Variants in EPHA3 observed in about 807,000 individuals in gnomAD.
EPHA3 encodes ephrin type-A receptor 3.
A neutral mutation model predicts 107.1 loss-of-function variants in EPHA3; 42 were observed. The ratio of observed to expected loss-of-function variants is 0.39; its 90% CI spans 0.31 to 0.51. The LOEUF (loss-of-function observed/expected upper bound fraction) is 0.51. Ranked by LOEUF, EPHA3 falls within the 20% of genes least tolerant of loss-of-function variation. The pLI is 0.78. For missense variants in EPHA3, 1,183 were observed against 1,211.2 expected, an observed-to-expected ratio of 0.98 and a Z score of 0.35; for synonymous variants, 461 against 424.8, an observed-to-expected ratio of 1.09 and a Z score of -1.05.
rs1706501166 is a variant in EPHA3 at position 89,301,932 on chromosome 3, C to T, written c.815-38984C>T. Among the ~76,000 whole-genome samples, 4 of 151,904 alleles carry T rather than the reference C, an allele frequency of 2.6e-5. No individual in the cohort carries two copies. The South Asian group carries it at 6.2e-4, about 24-fold the overall frequency. On this transcript the variant is annotated intron_variant, in intron 3 of 16. Transcript: ENST00000336596. ...GATATGGCTATTTTTTGAATACTAA[C>T]CTTTTAAACTTTGAGTGTACTCAAG...
chr3:89,459,525 C>CCTTT (rs1710176055), intron 15 of EPHA3, among the ~76,000 whole-genome samples: 1 of 148,782 alleles, frequency 6.7e-6, no homozygotes, highest in African/African-American at 2.5e-5. Context: ...TTCCTTCCTT[C>CCTTT]GTTCCTTCCT....
At chr3:89,146,853 A>C (rs529322744) in intron 2 of EPHA3, among the ~76,000 whole-genome samples, 19 of 151,844 alleles carry the variant, frequency 1.3e-4, no homozygotes, top group Non-Finnish European at 2.5e-4. Flanking sequence ...TTTCTGTTTT[A>C]TGCATATGGC....
intron 3 of EPHA3, among the ~76,000 whole-genome samples, chr3:89,332,849 T>C (rs1478542812): frequency 6.6e-6 from 1 of 152,114 alleles, no homozygotes; most frequent in Admixed American, 6.6e-5. Flanking sequence ...ACAGCTTTAT[T>C]TTTTTAATTT....
At chr3:89,395,168 A>C (rs1462852616) in intron 5 of EPHA3, among the ~76,000 whole-genome samples, 1 of 152,198 alleles carries the variant, frequency 6.6e-6, no homozygotes, top group Non-Finnish European at 1.5e-5. Context: ...TGTCTAGGTA[A>C]TTGTAACACA....
In EPHA3 at chr3:89,473,313, T is replaced by C. The variant is rs548653189; in HGVS notation, c.2846+694T>C. Among the ~76,000 whole-genome samples, 49 of 152,316 alleles carry C rather than the reference T, an allele frequency of 3.2e-4. 1 individual carries two copies. In the South Asian group the frequency reaches 9.3e-3, roughly 29 times the overall value. On this transcript the variant is annotated intron_variant, in intron 16 of 16. Coordinates refer to ENST00000336596, the MANE Select transcript of EPHA3 (RefSeq NM_005233.6). ...TAATAATCAAGTATAATATGCTGTA[T>C]TTTGTGGACAATCATCTTTGGGTAA... is the stretch of plus-strand genomic sequence containing the variant.
At chr3:89,107,957 G>A in intron 1 of EPHA3, 121 bp downstream of exon 1, 1 of 855,382 alleles carries the variant, frequency 1.2e-6, no homozygotes, top group Non-Finnish European at 1.8e-6. Context: ...TTTGCTCTGA[G>A]AGTGAAGGAA....
At chr3:89,370,672 T>A (rs1708282409) in intron 5 of EPHA3, among the ~76,000 whole-genome samples, 1 of 150,448 alleles carries the variant, frequency 6.6e-6, no homozygotes, top group South Asian at 2.1e-4. Context: ...ATTAAAAAAA[T>A]AACAAAATAC....
chr3:89,176,279 C>A (rs542759819), intron 2 of EPHA3, among the ~76,000 whole-genome samples: 3 of 151,976 alleles, frequency 2.0e-5, no homozygotes, highest in Non-Finnish European at 4.4e-5. Flanking sequence ...GTCAGGAGAT[C>A]GAGACCAGCC....
At chr3:89,242,153 C>G (rs1324153181) in intron 3 of EPHA3, among the ~76,000 whole-genome samples, 2 of 152,114 alleles carry the variant, frequency 1.3e-5, no homozygotes, top group Non-Finnish European at 2.9e-5. Flanking sequence ...CGATCTTTGT[C>G]TAATTGCTAC....
At chr3:89,414,868 T>C (rs1329652452) in intron 10 of EPHA3, among the ~76,000 whole-genome samples, 1 of 151,654 alleles carries the variant, frequency 6.6e-6, no homozygotes, top group African/African-American at 2.4e-5. Context: ...ACTTAATCCC[T>C]GATGCTCATT....
intron 3 of EPHA3, among the ~76,000 whole-genome samples, chr3:89,228,559 G>A (rs1704553971): frequency 6.6e-6 from 1 of 151,776 alleles, no homozygotes; most frequent in South Asian, 2.1e-4. Flanking sequence ...GTATAAATTT[G>A]GAAAGATAAA....
chr3:89,453,694 T>G (rs1329359571), intron 15 of EPHA3, among the ~76,000 whole-genome samples: 6 of 152,198 alleles, frequency 3.9e-5, no homozygotes, highest in African/African-American at 1.4e-4. Flanking sequence ...TTTAGAAAAT[T>G]TGCTTTCCTA....
intron 14 of EPHA3, 44 bp downstream of exon 14, chr3:89,449,418 T>C (rs370950950): frequency 2.6e-4 from 383 of 1,501,896 alleles, no homozygotes; most frequent in Non-Finnish European, 3.0e-4. Context: ...GATGAAAAGA[T>C]CAAGCTGTGC....
chr3:89,408,296 T>C (rs1294111987), intron 9 of EPHA3, among the ~76,000 whole-genome samples, 165 bp downstream of exon 9: 1 of 152,164 alleles, frequency 6.6e-6, no homozygotes, highest in African/African-American at 2.4e-5. Context: ...AATTCATGGT[T>C]CTGCATTAAA....
intron 2 of EPHA3, among the ~76,000 whole-genome samples, chr3:89,202,531 AAAAATATAT>A (rs1276738310): frequency 0.011 from 260 of 24,720 alleles, no homozygotes; most frequent in Middle Eastern, 0.024. Context: ...AAAAAAAAAA[AAAAATATAT>A]ATATATATAT....
chr3:89,410,455 C>A (rs1420861989), intron 9 of EPHA3, among the ~76,000 whole-genome samples: 1 of 151,896 alleles, frequency 6.6e-6, no homozygotes, highest in East Asian at 1.9e-4. Flanking sequence ...TTTGTAAATT[C>A]TGATGGCAGG....
At chr3:89,173,192 C>T (rs1425654024) in intron 2 of EPHA3, among the ~76,000 whole-genome samples, 1 of 151,990 alleles carries the variant, frequency 6.6e-6, no homozygotes, top group Admixed American at 6.5e-5. Flanking sequence ...AGAGATGCAT[C>T]AAGTATTGAA....
At chr3:89,180,773 G>A (rs1705426429) in intron 2 of EPHA3, among the ~76,000 whole-genome samples, 1 of 151,872 alleles carries the variant, frequency 6.6e-6, no homozygotes, top group Non-Finnish European at 1.5e-5. Flanking sequence ...GAAACTCTGA[G>A]GTGGCAAACC....
At chr3:89,421,404 CT>C (rs1709350851) in intron 11 of EPHA3, among the ~76,000 whole-genome samples, 1 of 151,090 alleles carries the variant, frequency 6.6e-6, no homozygotes, top group South Asian at 2.1e-4. Flanking sequence ...ATAGGTCTTT[CT>C]TTAGTATTTG....
Sources: gnomAD v4.1 joint callset for allele counts (sites outside exome capture counted in the v4.1 genomes callset) on GRCh38, gnomAD v4.1.1 for gene constraint, MANE v1.5 for transcripts, NCBI Gene and HGNC (gene_info 2026-07-23, HGNC 2026-07-21) for gene names.